The following RSPH14 variants were observed in gnomAD, a reference collection of about 807,000 sequenced individuals.
RSPH14 encodes the protein radial spoke head 14 homolog.
In RSPH14, 20 loss-of-function variants were observed where a neutral mutation model predicts 26.7. That is an observed-to-expected ratio of 0.75 (90% CI 0.53 to 1.09). The LOEUF is 1.09. Among genes scored for constraint, RSPH14 ranks in the 50% least tolerant of loss-of-function variants. The pLI is 0.00. For missense variants in RSPH14, 449 were observed against 457.2 expected (o/e 0.98, Z 0.16); for synonymous variants, 177 against 189.3 (o/e 0.93, Z 0.53).
At position 23,096,528 on chromosome 22, in the gene RSPH14, G is replaced by A. The variant is rs780746966; in HGVS notation, c.422-32395C>T. ...TCTGCAGCCAGAAAGGGAACCAGGC[G>A]CAGGCCTGGCCCTGCTGCACGATAA... is the stretch of plus-strand genomic sequence containing the variant. On this transcript the variant is annotated intron_variant, in intron 4 of 6. Transcript: ENST00000216036. 117 of 1,155,644 alleles carry A rather than the reference G, an allele frequency of 1.0e-4. No homozygotes were observed. The East Asian group carries it at 1.1e-3, about 11-fold the overall frequency. 71.6% of individuals were successfully genotyped at this position (1,155,644 alleles called of 1,614,324 possible). A position where few individuals can be genotyped will look rare whatever the true frequency, so the allele number is the denominator to read the frequency against.
chr22:23,125,280 G>A (rs762076334), intron 4 of RSPH14, among the ~76,000 whole-genome samples: 1 of 152,136 alleles, frequency 6.6e-6, no homozygotes, highest in East Asian at 1.9e-4. Flanking sequence ...GTCTGGGGGT[G>A]ATGATGACTC....
chr22:23,097,831 T>C (rs538693877), intron 4 of RSPH14, among the ~76,000 whole-genome samples: 1 of 152,248 alleles, frequency 6.6e-6, no homozygotes, highest in Non-Finnish European at 1.5e-5. Flanking sequence ...GACAGTGCCA[T>C]GGTGGGTCTG....
chr22:23,134,374 T>G (rs556198661), intron 3 of RSPH14, among the ~76,000 whole-genome samples: 1 of 152,070 alleles, frequency 6.6e-6, no homozygotes, highest in Admixed American at 6.6e-5. Context: ...GTTCTTCTGG[T>G]CTCCCTTGCC....
At chr22:23,096,486 C>A in intron 4 of RSPH14, 7 of 1,498,206 alleles carry the variant, frequency 4.7e-6, no homozygotes, top group Non-Finnish European at 6.3e-6. Context: ...CAAGAGGACT[C>A]GTGAGGTCCA....
chr22:23,139,731 G>A (rs1296864607), intron 2 of RSPH14, among the ~76,000 whole-genome samples: 1 of 152,194 alleles, frequency 6.6e-6, no homozygotes, highest in African/African-American at 2.4e-5. Flanking sequence ...TGTGGGTTGA[G>A]AATGGACTCT....
In RSPH14 at chr22:23,059,477, G is replaced by A. The variant is rs1193864611; in HGVS notation, c.1032C>T (p.Ile344=). Reference sequence around the variant, plus strand: ...AATGAAGGGCTCAGGGTTTGAACTCGATGACACTGATGGCGATCCGGGCTG... The same window carrying A: ...AATGAAGGGCTCAGGGTTTGAACTCAATGACACTGATGGCGATCCGGGCTG... ...QRAARIAISV[I]EFKP Residue 344 remains isoleucine (I), a synonymous_variant, in exon 7 of 7, where the codon ATC becomes ATT. Transcript: ENST00000216036. 1.9e-6 allele frequency: 3 copies of A among 1,609,786 alleles called. No individual in the cohort carries two copies. The highest frequency in any genetic ancestry group is 1.3e-5 in the African/African-American group (1 of 74,770).
chr22:23,164,694 A>C, the RSPH14 span, among the ~76,000 whole-genome samples: 1 of 152,090 alleles, frequency 6.6e-6, no homozygotes, highest in Admixed American at 6.5e-5. Context: ...ACCGCGTCCA[A>C]GTGCTGCCGA....
rs773462767 is a variant in RSPH14, at chr22:23,063,989, C to T, written c.566G>A (p.Ser189Asn). 6 of 1,614,224 alleles carry T rather than the reference C, an allele frequency of 3.7e-6. No homozygotes were observed. In the South Asian group the frequency reaches 6.6e-5, roughly 18 times the overall value. ...LQEDATEALG[S>N]NVVLVLKQKL... The stretch of plus-strand genomic sequence containing the variant: ...CTGCTTCAGGACAAGCACCACATTG[C>T]TGCCCAGGGCCTCGGTGGCATCCTC... Residue 189 changes from serine to asparagine, a missense_variant, in exon 5 of 7, where the codon AGC becomes AAC. Coordinates refer to ENST00000216036, the MANE Select transcript of RSPH14 (RefSeq NM_014433.3).
chr22:23,123,124 T>C, intron 4 of RSPH14: 1 of 1,613,980 alleles, frequency 6.2e-7, no homozygotes, highest in East Asian at 2.2e-5. Context: ...TTTGACTCCA[T>C]CTGCAACAAC....
At chr22:23,101,753 G>A (rs1481001635) in intron 4 of RSPH14, among the ~76,000 whole-genome samples, 1 of 152,222 alleles carries the variant, frequency 6.6e-6, no homozygotes, top group Non-Finnish European at 1.5e-5. Flanking sequence ...AGATCCAGAG[G>A]CAGGGCCAGG....
the RSPH14 span, chr22:23,152,370 C>A: frequency 1.5e-6 from 2 of 1,349,726 alleles, no homozygotes; most frequent in Non-Finnish European, 2.1e-6. Context: ...GGTGTCTCAC[C>A]AGCAGAGAGC....
At chr22:23,072,629 T>C (rs1432816510) in intron 4 of RSPH14, among the ~76,000 whole-genome samples, 1 of 152,240 alleles carries the variant, frequency 6.6e-6, no homozygotes, top group East Asian at 1.9e-4. Flanking sequence ...CCCAGGTTGA[T>C]GCAGCGAGAA....
At chr22:23,091,731 A>C (rs1483960862) in intron 4 of RSPH14, among the ~76,000 whole-genome samples, 2 of 152,210 alleles carry the variant, frequency 1.3e-5, no homozygotes, top group African/African-American at 4.8e-5. Flanking sequence ...GGCACCACAT[A>C]CTGCCACAAA....
At chr22:23,130,504 G>GAAAGAAAGAAAGAAAGAAAGAA in intron 4 of RSPH14, among the ~76,000 whole-genome samples, 1 of 145,956 alleles carries the variant, frequency 6.9e-6, no homozygotes, top group Non-Finnish European at 1.5e-5. Flanking sequence ...GAAAAAGAAA[G>GAAAGAAAGAAAGAAAGAAAGAA]AAAGAAAGAA....
the RSPH14 span, among the ~76,000 whole-genome samples, chr22:23,167,166 G>A: frequency 6.6e-6 from 1 of 152,040 alleles, no homozygotes; most frequent in Non-Finnish European, 1.5e-5. Flanking sequence ...TGCTGCAGGT[G>A]CCCTCACCCC....
rs1219430474 is a variant in RSPH14, at chr22:23,136,470, C to T, written c.303-2326G>A. 55 of 508,586 alleles carry T rather than the reference C, an allele frequency of 1.1e-4. 8 individuals carry two copies. Among genetic ancestry groups the T allele is most frequent in the South Asian group, 8.2e-4 (39 of 47,460 alleles). The allele number at this position is 508,586 out of a possible 1,614,324, so 31.5% of individuals were successfully genotyped here. Reference sequence around the variant, plus strand: ...TAGAAGTTGGCCACATTTCTGAGAACGCTGAAGGAGTGCACGGGCCAGGCC... The same window carrying T: ...TAGAAGTTGGCCACATTTCTGAGAATGCTGAAGGAGTGCACGGGCCAGGCC... On this transcript the variant is annotated intron_variant, in intron 3 of 6. Coordinates refer to ENST00000216036, the MANE Select transcript of RSPH14 (RefSeq NM_014433.3).
chr22:23,069,907 TAG>T (rs1433336331), intron 4 of RSPH14, among the ~76,000 whole-genome samples: 1 of 152,074 alleles, frequency 6.6e-6, no homozygotes, highest in African/African-American at 2.4e-5. Flanking sequence ...CCCAAGGACG[TAG>T]AGCTCACAAG....
the RSPH14 span, among the ~76,000 whole-genome samples, chr22:23,159,878 C>T: frequency 1.3e-5 from 2 of 152,228 alleles, no homozygotes; most frequent in Admixed American, 6.5e-5. Flanking sequence ...TTTGAGCCTC[C>T]ATCTCATCTG....
upstream of RSPH14, among the ~76,000 whole-genome samples, chr22:23,144,449 A>G (rs2070674199): frequency 6.6e-6 from 1 of 152,226 alleles, no homozygotes; most frequent in African/African-American, 2.4e-5. Flanking sequence ...ATCCATTGAA[A>G]TAGATAGTTG....
Sources: allele counts gnomAD v4.1 joint callset (sites outside exome capture counted in the v4.1 genomes callset), GRCh38; gene constraint gnomAD v4.1.1; transcripts MANE v1.5; gene names NCBI Gene and HGNC (gene_info 2026-07-23, HGNC 2026-07-21).